PPM1A: variants seen among roughly 807,000 people sequenced by gnomAD.
PPM1A encodes the protein protein phosphatase, Mg2+/Mn2+ dependent 1A, also known as protein phosphatase 1A.
Under a neutral mutation model 35.0 loss-of-function variants are expected in PPM1A, and 7 were observed. The ratio of observed to expected loss-of-function variants is 0.20; its 90% confidence interval spans 0.11 to 0.38. The LOEUF (loss-of-function observed/expected upper bound fraction) is 0.38, where lower values mean the gene tolerates loss of function less well. PPM1A is among the 10% of genes least tolerant of loss of function. The probability of loss-of-function intolerance (pLI) is 1.00; values close to 1 mark genes in which losing one functional copy is unlikely to be tolerated. For synonymous variants in PPM1A, 153 were observed against 167.3 expected (o/e 0.91, Z 0.66); for missense variants, 239 against 467.8 (o/e 0.51, Z 4.51).
chr14:60,293,203 A>G lies in PPM1A; in HGVS notation c.*721A>G, dbSNP rs1887801484. ...TCTTTGCACCTCTTTTCAAGTCCTT[A>G]CATTTAATTACTAATTGATAAGCAG... On this transcript the variant is annotated 3_prime_UTR_variant, in exon 6 of 6. Coordinates refer to ENST00000395076, the MANE Select transcript of PPM1A (RefSeq NM_021003.5). This position sits in a 1 kb window ranked among gnomAD's most constrained non-coding sequence, Gnocchi z 4.0. 6.6e-6 allele frequency: 1 copy of G among 152,022 alleles called. No individual in the cohort carries two copies. Among genetic ancestry groups the G allele is most frequent in the African/African-American group, 2.4e-5 (1 of 41,398 alleles). 9.4% of individuals were successfully genotyped at this position (152,022 alleles called of 1,614,324 possible). A position where few individuals can be genotyped will look rare whatever the true frequency, so the allele number is the denominator to read the frequency against.
intron 3 of PPM1A, chr14:60,287,593 A>T (rs1177219032): frequency 1.0e-6 from 1 of 985,016 alleles, no homozygotes; most frequent in African/African-American, 1.8e-5. Flanking sequence ...ACATGCCTTC[A>T]CTAGATTGCT....
At chr14:60,275,878 A>T (rs1054751085) in intron 1 of PPM1A, among the ~76,000 whole-genome samples, 2 of 141,212 alleles carry the variant, frequency 1.4e-5, no homozygotes, top group Non-Finnish European at 3.0e-5. Context: ...GATTTGCTAC[A>T]GTTTTGTTAA....
chr14:60,296,526 AT>A lies in PPM1A; in HGVS notation c.*4046del, dbSNP rs1888075243. The A allele has an allele frequency of 3.3e-6, 1 of 305,182 alleles. No individual in the cohort carries two copies. The highest frequency in any genetic ancestry group is 2.1e-5 in the African/African-American group (1 of 46,848). The allele number at this position is 305,182 out of a possible 1,614,324, so 18.9% of individuals were successfully genotyped here. ...TTTGCTCACAGAAACTGCTGGTGAG[AT>A]TACCATTTTTTGAGTATCTAGTCTT... On this transcript the variant is annotated 3_prime_UTR_variant, in exon 6 of 6. Coordinates refer to ENST00000395076, the MANE Select transcript of PPM1A (RefSeq NM_021003.5). This position sits in a 1 kb window ranked among gnomAD's most constrained non-coding sequence, Gnocchi z 4.4.
At chr14:60,268,596 TTTC>T (rs1462958784) in intron 1 of PPM1A, among the ~76,000 whole-genome samples, 1 of 152,052 alleles carries the variant, frequency 6.6e-6, no homozygotes, top group African/African-American at 2.4e-5. Context: ...GTGGTTCATT[TTTC>T]TTTTTAGGTT....
chr14:60,257,087 G>T (rs1388846724), intron 1 of PPM1A, among the ~76,000 whole-genome samples: 1 of 152,108 alleles, frequency 6.6e-6, no homozygotes, highest in Non-Finnish European at 1.5e-5. Context: ...ATAAGATATG[G>T]CCATAATACA....
Position 60,249,363 on chromosome 14 carries a change from G to C in PPM1A, c.-335G>C, listed in dbSNP as rs1228694738. ...CCGGAACGGGTGGTTGGGGAGGGGGGGGTGGGGGGACTCTAGACAGCTGAG... is the reference window on the plus strand; with the variant it reads ...CCGGAACGGGTGGTTGGGGAGGGGGCGGTGGGGGGACTCTAGACAGCTGAG... On this transcript the variant is annotated 5_prime_UTR_variant, in exon 1 of 6. Transcript: ENST00000395076. The surrounding 1 kb of genome is among the most constrained non-coding windows in gnomAD (Gnocchi z 4.5). The C allele has an allele frequency of 8.4e-5, 80 of 955,080 alleles. No individual in the cohort carries two copies. The highest frequency in any genetic ancestry group is 9.6e-5 in the Non-Finnish European group (77 of 803,166). The allele number at this position is 955,080 out of a possible 1,614,324, so 59.2% of individuals were successfully genotyped here.
intron 1 of PPM1A, chr14:60,268,339 T>G (rs1884639462): frequency 1.0e-6 from 1 of 980,740 alleles, no homozygotes. Context: ...AAAAATTTGT[T>G]TTCCGAGAAC....
chr14:60,270,398 A>G (rs1437689696), intron 1 of PPM1A, among the ~76,000 whole-genome samples: 1 of 152,036 alleles, frequency 6.6e-6, no homozygotes, highest in Non-Finnish European at 1.5e-5. Flanking sequence ...CTGTGACATC[A>G]TGTTCTTGAG....
At chr14:60,252,905 G>A (rs916558299) in intron 1 of PPM1A, among the ~76,000 whole-genome samples, 12 of 152,040 alleles carry the variant, frequency 7.9e-5, no homozygotes, top group Admixed American at 1.3e-4. Flanking sequence ...AGATAATCTC[G>A]TTACCAGGCT....
rs1240724905 is a variant in PPM1A at position 60,282,594 on chromosome 14, G to C, written c.-20-90G>C. On this transcript the variant is annotated intron_variant, in intron 1 of 5. Coordinates refer to ENST00000395076, the MANE Select transcript of PPM1A (RefSeq NM_021003.5). The surrounding 1 kb of genome is among the most constrained non-coding windows in gnomAD (Gnocchi z 5.1). ...TGCTTATCGCGAGTTGTGAATTCCC[G>C]CATATCTCTTTCACTTATTAAAAAG... 2 of 1,464,032 alleles carry C rather than the reference G, an allele frequency of 1.4e-6. No homozygotes were observed. Among genetic ancestry groups the C allele is most frequent in the Non-Finnish European group, 1.8e-6 (2 of 1,085,510 alleles). 90.7% of individuals were successfully genotyped at this position (1,464,032 alleles called of 1,614,324 possible). A position where few individuals can be genotyped will look rare whatever the true frequency, so the allele number is the denominator to read the frequency against.
intron 4 of PPM1A, among the ~76,000 whole-genome samples, chr14:60,290,670 T>C (rs1887536647): frequency 1.3e-5 from 2 of 152,152 alleles, no homozygotes; most frequent in African/African-American, 4.8e-5. Context: ...AGATATATTA[T>C]TGACTAATTT....
intron 1 of PPM1A, among the ~76,000 whole-genome samples, chr14:60,281,471 A>G (rs1485621948): frequency 1.3e-5 from 2 of 152,208 alleles, no homozygotes; most frequent in Non-Finnish European, 1.5e-5. Context: ...GCTGAGTATC[A>G]TTAGCATCAT....
rs575792294 is a variant in PPM1A, at chr14:60,277,102, A to C, written c.-20-5582A>C. 3.8e-5 allele frequency: 43 copies of C among 1,130,206 alleles called. No individual in the cohort carries two copies. The African/African-American group carries it at 4.3e-4, about 11-fold the overall frequency. The allele number at this position is 1,130,206 out of a possible 1,614,324, so 70.0% of individuals were successfully genotyped here. ...CAGATTTATGACTAGGTGAGAACTA[A>C]AATTTCTCTCAGAAACTAACTAAAA... On this transcript the variant is annotated intron_variant, in intron 1 of 5. Coordinates refer to ENST00000395076, the MANE Select transcript of PPM1A (RefSeq NM_021003.5).
intron 1 of PPM1A, among the ~76,000 whole-genome samples, chr14:60,263,158 C>G (rs1883963721): frequency 1.3e-5 from 2 of 151,928 alleles, no homozygotes; most frequent in Admixed American, 1.3e-4. Context: ...GTGGAGGTTG[C>G]AGTAAGCCAA....
chr14:60,285,942 G>A, intron 3 of PPM1A: 2 of 1,271,536 alleles, frequency 1.6e-6, no homozygotes, highest in Non-Finnish European at 2.0e-6. Flanking sequence ...ATAACAACTA[G>A]TGTGGAAAGT....
At position 60,293,406 on chromosome 14, in the gene PPM1A, G is replaced by A. The variant is rs1411394521; in HGVS notation, c.*924G>A. The A allele has an allele frequency of 1.3e-5, 2 of 151,920 alleles. No homozygotes were observed. Among genetic ancestry groups the A allele is most frequent in the African/African-American group, 4.8e-5 (2 of 41,364 alleles). 9.4% of individuals were successfully genotyped at this position (151,920 alleles called of 1,614,324 possible). A position where few individuals can be genotyped will look rare whatever the true frequency, so the allele number is the denominator to read the frequency against. ...TTTTACCCTGGCCTTTTAAAACACT[G>A]TGCCGTTGTAATGAGACGTTTCTCA... On this transcript the variant is annotated 3_prime_UTR_variant, in exon 6 of 6. Transcript: ENST00000395076. The surrounding 1 kb of genome is among the most constrained non-coding windows in gnomAD (Gnocchi z 4.0).
chr14:60,287,877 A>G (rs1887200533), intron 3 of PPM1A: 1 of 985,132 alleles, frequency 1.0e-6, no homozygotes, highest in African/African-American at 1.7e-5. Flanking sequence ...TAATTTGGAG[A>G]TGACTGATAG....
chr14:60,274,368 TTAACTG>T (rs1287608542), intron 1 of PPM1A, among the ~76,000 whole-genome samples: 1 of 151,950 alleles, frequency 6.6e-6, no homozygotes, highest in African/African-American at 2.4e-5. Flanking sequence ...TTTAAGAAGT[TTAACTG>T]TAAAGAGAAG....
In PPM1A at chr14:60,273,734, G is replaced by C. The variant is rs774682937; in HGVS notation, c.-20-8950G>C. Among the ~76,000 whole-genome samples, 5 of 152,206 alleles carry C rather than the reference G, an allele frequency of 3.3e-5. No individual in the cohort carries two copies. The highest frequency in any genetic ancestry group is 5.9e-5 in the Non-Finnish European group (4 of 68,044). On this transcript the variant is annotated intron_variant, in intron 1 of 5. Coordinates refer to ENST00000395076, the MANE Select transcript of PPM1A (RefSeq NM_021003.5). This position sits in a 1 kb window ranked among gnomAD's most constrained non-coding sequence, Gnocchi z 4.3. ...GAGACCAGGGCATTGGTAGAAAAAA[G>C]TGGACAGATTTGAGAATGCTTAGGA...
Sources: gnomAD v4.1 joint callset for allele counts (sites outside exome capture counted in the v4.1 genomes callset) on GRCh38, gnomAD v4.1.1 for gene constraint, Gnocchi (gnomAD v3.1) non-coding constraint, MANE v1.5 for transcripts, NCBI Gene and HGNC (gene_info 2026-07-23, HGNC 2026-07-21) for gene names.